The following NPAS3 variants were observed in gnomAD, a reference collection of about 807,000 sequenced individuals.
NPAS3 encodes neuronal PAS domain-containing protein 3.
Under a neutral mutation model 73.1 loss-of-function variants are expected in NPAS3, and 14 were observed. That is an observed-to-expected ratio of 0.19 (90% CI 0.13 to 0.30). The LOEUF (loss-of-function observed/expected upper bound fraction) is 0.30. Among genes scored for constraint, NPAS3 ranks in the 10% least tolerant of loss-of-function variants. NPAS3 has a pLI of 1.00. For synonymous variants in NPAS3, 620 were observed against 541.5 expected, an observed-to-expected ratio of 1.14 and a Z score of -2.01; for missense variants, 1,096 against 1,250.0, an observed-to-expected ratio of 0.88 and a Z score of 1.86.
intron 5 of NPAS3, among the ~76,000 whole-genome samples, chr14:33,564,610 A>G (rs978399382): frequency 1.3e-5 from 2 of 152,204 alleles, no homozygotes; most frequent in African/African-American, 2.4e-5. Flanking sequence ...TCCTTCACCC[A>G]TACTCACATC....
At chr14:33,636,303 A>G (rs1434236054) in intron 5 of NPAS3, among the ~76,000 whole-genome samples, 8 of 152,196 alleles carry the variant, frequency 5.3e-5, no homozygotes, top group Non-Finnish European at 8.8e-5. Context: ...GGATGAATGA[A>G]TCCATTTATG....
At chr14:33,179,195 G>A (rs1204516891) in intron 2 of NPAS3, among the ~76,000 whole-genome samples, 3 of 151,976 alleles carry the variant, frequency 2.0e-5, no homozygotes, top group African/African-American at 7.3e-5. Flanking sequence ...GAGTTGGTTT[G>A]CTAGAGGAAG....
At chr14:33,256,977 T>C (rs553605458) in intron 3 of NPAS3, among the ~76,000 whole-genome samples, 31 of 152,252 alleles carry the variant, frequency 2.0e-4, no homozygotes, top group Admixed American at 1.2e-3. Flanking sequence ...AGACTTGAGT[T>C]CATAAATAGA....
intron 1 of NPAS3, among the ~76,000 whole-genome samples, chr14:33,052,690 A>G (rs1354521156): frequency 6.6e-6 from 1 of 152,216 alleles, no homozygotes; most frequent in African/African-American, 2.4e-5. Flanking sequence ...AGTACTGGCC[A>G]CATTTGCTCC....
intron 3 of NPAS3, among the ~76,000 whole-genome samples, chr14:33,365,975 G>A (rs1323413829): frequency 1.3e-5 from 2 of 152,138 alleles, no homozygotes; most frequent in African/African-American, 4.8e-5. Context: ...TAGTAGCTGG[G>A]CTTGAGAGAG....
intron 4 of NPAS3, among the ~76,000 whole-genome samples, chr14:33,538,826 G>T (rs1048681152): frequency 2.2e-4 from 34 of 152,174 alleles, no homozygotes; most frequent in Non-Finnish European, 5.0e-4. Context: ...CATAATAATT[G>T]TAAGACCCTA....
At chr14:33,092,130 G>A (rs1282898738) in intron 2 of NPAS3, among the ~76,000 whole-genome samples, 1 of 152,106 alleles carries the variant, frequency 6.6e-6, no homozygotes, top group African/African-American at 2.4e-5. Flanking sequence ...GGGCAATCAG[G>A]CAGGAGAAAG....
At chr14:33,140,566 G>GTATT (rs2044008422) in intron 2 of NPAS3, among the ~76,000 whole-genome samples, 1 of 152,188 alleles carries the variant, frequency 6.6e-6, no homozygotes, top group Non-Finnish European at 1.5e-5. Context: ...TGCATTGAAT[G>GTATT]TATTTATTAA....
intron 1 of NPAS3, among the ~76,000 whole-genome samples, chr14:33,020,448 GA>G (rs1438429878): frequency 2.0e-5 from 3 of 152,196 alleles, no homozygotes; most frequent in African/African-American, 7.2e-5. Flanking sequence ...GTAATGCAGG[GA>G]AAATCCAGTG....
chr14:33,685,290 C>T (rs1008580936), intron 6 of NPAS3, among the ~76,000 whole-genome samples: 1 of 152,126 alleles, frequency 6.6e-6, no homozygotes, highest in South Asian at 2.1e-4. Flanking sequence ...CACACACTGC[C>T]GCTGCTAGCA....
At chr14:33,580,753 C>T (rs1325725254) in intron 5 of NPAS3, among the ~76,000 whole-genome samples, 1 of 152,170 alleles carries the variant, frequency 6.6e-6, no homozygotes, top group Non-Finnish European at 1.5e-5. Flanking sequence ...AACTACCACG[C>T]TTTGTCTCAC....
intron 2 of NPAS3, among the ~76,000 whole-genome samples, chr14:33,210,776 A>G (rs1019106057): frequency 6.0e-5 from 9 of 151,154 alleles, no homozygotes; most frequent in African/African-American, 2.0e-4. Flanking sequence ...CTAAAAAAAA[A>G]GGCTCCTTAT....
At chr14:33,260,283 T>G (rs1339088161) in intron 3 of NPAS3, among the ~76,000 whole-genome samples, 1 of 152,170 alleles carries the variant, frequency 6.6e-6, no homozygotes, top group Non-Finnish European at 1.5e-5. Flanking sequence ...TATACTTAGA[T>G]GAGTTAAACA....
chr14:33,420,930 A>G (rs373278394), intron 4 of NPAS3, among the ~76,000 whole-genome samples: 27 of 152,032 alleles, frequency 1.8e-4, no homozygotes, highest in Admixed American at 7.2e-4. Flanking sequence ...TTCCAGCTCA[A>G]TATTAGAAAG....
chr14:33,800,406 G>C lies in NPAS3; in HGVS notation c.2099G>C (p.Gly700Ala). ...CCGTCCCCGCAGGGCGGCGGCGGTGGGGGTGGCGGTGGCGGGGGGCTGCAC... is the reference window on the plus strand; with the variant it reads ...CCGTCCCCGCAGGGCGGCGGCGGTGCGGGTGGCGGTGGCGGGGGGCTGCAC... Residue 700 changes from glycine to alanine, a missense_variant, in exon 12 of 12, where the codon GGG (glycine) becomes GCG (alanine). Gly to Ala is a moderately conservative substitution (Grantham distance 60). Transcript: ENST00000356141. This position sits in a 1 kb window ranked among gnomAD's most constrained non-coding sequence, Gnocchi z 6.5. The C allele has an allele frequency of 1.2e-6, 2 of 1,602,184 alleles. No individual in the cohort carries two copies. The highest frequency in any genetic ancestry group is 1.7e-6 in the Non-Finnish European group (2 of 1,176,648).
In NPAS3 at chr14:33,182,555, C is replaced by T. The variant is rs181783140; in HGVS notation, c.141-32627C>T. Among the ~76,000 whole-genome samples the T allele has an allele frequency of 3.3e-5, 5 of 152,248 alleles. No individual in the cohort carries two copies. The East Asian group carries it at 9.6e-4, about 29-fold the overall frequency. On this transcript the variant is annotated intron_variant, in intron 2 of 11. Transcript: ENST00000356141. ...ATTACTTGATAATAATTACCATTTG[C>T]TAGTACAATTTTATTATTATAATCA...
intron 4 of NPAS3, among the ~76,000 whole-genome samples, chr14:33,500,402 C>T (rs1413158779): frequency 6.6e-6 from 1 of 151,818 alleles, no homozygotes; most frequent in Non-Finnish European, 1.5e-5. Context: ...AAGGAAGTCC[C>T]TTAGCCTGAT....
chr14:33,348,133 T>A (rs1375334881), intron 3 of NPAS3, among the ~76,000 whole-genome samples: 1 of 152,146 alleles, frequency 6.6e-6, no homozygotes, highest in Non-Finnish European at 1.5e-5. Flanking sequence ...AACAAGCATT[T>A]TAGAGAGGAG....
intron 5 of NPAS3, among the ~76,000 whole-genome samples, chr14:33,603,502 A>G (rs2140008246): frequency 6.6e-6 from 1 of 152,310 alleles, no homozygotes. Context: ...CCCCAAGCAC[A>G]AAAACAGGAA....
Sources: gnomAD v4.1 joint callset for allele counts (sites outside exome capture counted in the v4.1 genomes callset) on GRCh38, gnomAD v4.1.1 for gene constraint, Gnocchi (gnomAD v3.1) non-coding constraint, MANE v1.5 for transcripts, NCBI Gene and HGNC (gene_info 2026-07-23, HGNC 2026-07-21) for gene names.